RTL6: variants seen among roughly 807,000 people sequenced by gnomAD.
RTL6 encodes the protein retrotransposon Gag like 6.
Under a neutral mutation model 12.4 loss-of-function variants are expected in RTL6, and 9 were observed. That is an observed-to-expected ratio of 0.73 (90% confidence interval 0.44 to 1.27). The LOEUF (loss-of-function observed/expected upper bound fraction) is 1.27, where lower values mean the gene tolerates loss of function less well. Ranked by LOEUF, RTL6 falls within the 50% of genes most tolerant of loss-of-function variation. The pLI is 0.00. For synonymous variants in RTL6, 160 were observed against 142.8 expected (o/e 1.12, Z -0.86); for missense variants, 291 against 330.7 (o/e 0.88, Z 0.93).
Position 44,497,550 on chromosome 22 carries a change from G to A in RTL6, c.7C>T (p.Gln3Ter). Residue 3 changes from glutamine (Q) to a stop codon, truncating the protein, a stop_gained, in exon 2 of 2, where the codon CAG becomes TAG. Coordinates refer to ENST00000341255, the MANE Select transcript of RTL6 (RefSeq NM_032287.3). LOFTEE classifies it high-confidence loss of function. MV[Q>*]PQTSKAESPA... is the part of the protein sequence containing the mutation. ...CTTTCAGCTTTGGACGTCTGCGGCT[G>A]CACCATGCTGGCCAGAGGTCAGCCA... 6.2e-7 allele frequency: 1 copy of A among 1,613,282 alleles called. No individual in the cohort carries two copies. Among genetic ancestry groups the A allele is most frequent in the South Asian group, 1.1e-5 (1 of 91,016 alleles).
In RTL6 at chr22:44,495,234, CA is replaced by C. The variant is rs1229654649; in HGVS notation, c.*1602del. 6.6e-6 allele frequency: 1 copy of C among 152,646 alleles called. No homozygotes were observed. Among genetic ancestry groups the C allele is most frequent in the Non-Finnish European group, 1.5e-5 (1 of 68,038 alleles). 9.5% of individuals were successfully genotyped at this position (152,646 alleles called of 1,614,324 possible). A position where few individuals can be genotyped will look rare whatever the true frequency, so the allele number is the denominator to read the frequency against. ...TTGACCTTGCAAGGCAGCGGTTCTTCAGAATCGCAGTCACTTTTCCCAGCAT... is the reference window on the plus strand; with the variant it reads ...TTGACCTTGCAAGGCAGCGGTTCTTCGAATCGCAGTCACTTTTCCCAGCAT... On this transcript the variant is annotated 3_prime_UTR_variant, in exon 2 of 2. Coordinates refer to ENST00000341255, the MANE Select transcript of RTL6 (RefSeq NM_032287.3).
rs1321495644 is a variant in RTL6, at chr22:44,495,629, C to T, written c.*1208G>A. The T allele has an allele frequency of 6.6e-6, 1 of 151,986 alleles. No homozygotes were observed. The highest frequency in any genetic ancestry group is 1.9e-4 in the East Asian group (1 of 5,178). The allele number at this position is 151,986 out of a possible 1,614,324, so 9.4% of individuals were successfully genotyped here. On this transcript the variant is annotated 3_prime_UTR_variant, in exon 2 of 2. Transcript: ENST00000341255. ...CAGCTCTTTGCTTTTACAAATGCCACCAAGACCCTGGCTGGGTTGCCAGAG... is the reference window on the plus strand; with the variant it reads ...CAGCTCTTTGCTTTTACAAATGCCATCAAGACCCTGGCTGGGTTGCCAGAG...
In RTL6 at chr22:44,496,989, T is replaced by A; in HGVS notation, c.568A>T (p.Arg190Trp). The A allele has an allele frequency of 6.2e-7, 1 of 1,614,020 alleles. No individual in the cohort carries two copies. The highest frequency in any genetic ancestry group is 8.5e-7 in the Non-Finnish European group (1 of 1,179,960). The change falls in exon 2 of 2, where the codon AGG (arginine) becomes TGG (tryptophan). Residue 190 changes from arginine (R) to tryptophan (W), a missense_variant. Around this residue, in one of 3 missense-constraint regions of RTL6, gnomAD observed 132 missense variants for 163.9 expected, o/e 0.81. Transcript: ENST00000341255. ...GCCCTATTAGAGGCAGAAGTCTTCC[T>A]GATTTGGGCGCGCCGCGCATGCCGG... ...PLRHARRAQIRKTSASNRAVR... is the reference protein window; with the variant it reads ...PLRHARRAQIWKTSASNRAVR...
In RTL6 at chr22:44,496,720, A is replaced by G; in HGVS notation, c.*117T>C. 1.6e-6 allele frequency: 2 copies of G among 1,260,930 alleles called. No homozygotes were observed. Among genetic ancestry groups the G allele is most frequent in the Non-Finnish European group, 2.2e-6 (2 of 916,312 alleles). 78.1% of individuals were successfully genotyped at this position (1,260,930 alleles called of 1,614,324 possible). On this transcript the variant is annotated 3_prime_UTR_variant, in exon 2 of 2. Coordinates refer to ENST00000341255, the MANE Select transcript of RTL6 (RefSeq NM_032287.3). ...ATCTCCTCGGGGAACACGTCTGGAG[A>G]GGCAAGAAGGGAGGTCTTCAAACAG...
At position 44,496,725 on chromosome 22, in the gene RTL6, A is replaced by T. The variant is rs1568999874; in HGVS notation, c.*112T>A. On this transcript the variant is annotated 3_prime_UTR_variant, in exon 2 of 2. Transcript: ENST00000341255. Reference sequence around the variant, plus strand: ...CTCGGGGAACACGTCTGGAGAGGCAAGAAGGGAGGTCTTCAAACAGGGGCA... The same window carrying T: ...CTCGGGGAACACGTCTGGAGAGGCATGAAGGGAGGTCTTCAAACAGGGGCA... 17 of 1,318,294 alleles carry T rather than the reference A, an allele frequency of 1.3e-5. No individual in the cohort carries two copies. Among genetic ancestry groups the T allele is most frequent in the Non-Finnish European group, 1.8e-5 (17 of 967,268 alleles). The allele number at this position is 1,318,294 out of a possible 1,614,324, so 81.7% of individuals were successfully genotyped here.
chr22:44,493,578 C>T lies in RTL6; in HGVS notation c.*3259G>A, dbSNP rs1329874576. 6.6e-6 allele frequency: 1 copy of T among 152,288 alleles called. No homozygotes were observed. Among genetic ancestry groups the T allele is most frequent in the Non-Finnish European group, 1.5e-5 (1 of 68,140 alleles). The allele number at this position is 152,288 out of a possible 1,614,324, so 9.4% of individuals were successfully genotyped here. ...CTCTTGCTTCCCTTACCCAGGAGAC[C>T]CACCTTGTGCCTACCTCTCTAAGTC... On this transcript the variant is annotated 3_prime_UTR_variant, in exon 2 of 2. Coordinates refer to ENST00000341255, the MANE Select transcript of RTL6 (RefSeq NM_032287.3).
Position 44,497,278 on chromosome 22 carries a change from G to T in RTL6, c.279C>A (p.Pro93=). 6.2e-7 allele frequency: 1 copy of T among 1,614,232 alleles called. No homozygotes were observed. Among genetic ancestry groups the T allele is most frequent in the Non-Finnish European group, 8.5e-7 (1 of 1,180,038 alleles). The part of the protein sequence containing the change: ...ISSITSNGTR[P]MTTPPTSLPE... Reference sequence around the variant, plus strand: ...GCAGAGAGGTTGGAGGTGTGGTCATGGGTCGAGTCCCGTTTGAAGTAATTG... The same window carrying T: ...GCAGAGAGGTTGGAGGTGTGGTCATTGGTCGAGTCCCGTTTGAAGTAATTG... Residue 93 remains proline (P), a synonymous_variant, in exon 2 of 2, where the codon CCC becomes CCA. Coordinates refer to ENST00000341255, the MANE Select transcript of RTL6 (RefSeq NM_032287.3).
At position 44,497,630 on chromosome 22, in the gene RTL6, T is replaced by G. The variant is rs1924495095; in HGVS notation, c.-74A>C. 1 of 1,539,392 alleles carries G rather than the reference T, an allele frequency of 6.5e-7. No homozygotes were observed. The highest frequency in any genetic ancestry group is 8.8e-7 in the Non-Finnish European group (1 of 1,142,436). On this transcript the variant is annotated 5_prime_UTR_variant, in exon 2 of 2. Coordinates refer to ENST00000341255, the MANE Select transcript of RTL6 (RefSeq NM_032287.3). ...GGTGTGGTGACCAGGTGGGCCCCTG[T>G]AGAAATGGGGGCAGTGTGGGGTGCA...
In RTL6 at chr22:44,496,860, G is replaced by A. The variant is rs1300146364; in HGVS notation, c.697C>T (p.Pro233Ser). Residue 233 changes from proline (P) to serine (S), a missense_variant, in exon 2 of 2, where the codon CCT (proline) becomes TCT (serine). Coordinates refer to ENST00000341255, the MANE Select transcript of RTL6 (RefSeq NM_032287.3). The stretch of plus-strand genomic sequence containing the variant: ...TCTTAAAGATTCCGTGCTCGGGCAG[G>A]CAGGGCTGGCGCTGGACTAGTCCCG... ...SNGTSPAPAL[P>S]ARARNL 7.0e-6 allele frequency: 11 copies of A among 1,564,176 alleles called. No individual in the cohort carries two copies. The highest frequency in any genetic ancestry group is 9.5e-6 in the Non-Finnish European group (11 of 1,154,746).
In RTL6 at chr22:44,497,797, G is replaced by A. The variant is rs996436537; in HGVS notation, c.-241C>T. ...GACTACGGAGCCAGACGGGTGGCTG[G>A]ACCTGCTCTGGGCCCTGGAGGATTA... On this transcript the variant is annotated 5_prime_UTR_variant, in exon 2 of 2. Coordinates refer to ENST00000341255, the MANE Select transcript of RTL6 (RefSeq NM_032287.3). 3 of 585,936 alleles carry A rather than the reference G, an allele frequency of 5.1e-6. No homozygotes were observed. In the African/African-American group the frequency reaches 5.7e-5, roughly 11 times the overall value. The allele number at this position is 585,936 out of a possible 1,614,324, so 36.3% of individuals were successfully genotyped here. A position where few individuals can be genotyped will look rare whatever the true frequency, so the allele number is the denominator to read the frequency against.
At position 44,496,528 on chromosome 22, in the gene RTL6, G is replaced by A. The variant is rs1924451568; in HGVS notation, c.*309C>T. The A allele has an allele frequency of 5.6e-6, 2 of 358,810 alleles. No individual in the cohort carries two copies. The highest frequency in any genetic ancestry group is 5.1e-6 in the Non-Finnish European group (1 of 197,990). The allele number at this position is 358,810 out of a possible 1,614,324, so 22.2% of individuals were successfully genotyped here. ...GGGTCAGCCCTCGTGGTCCGTCAGC[G>A]TGCGGCGGAGTCCCTGTGCCTAAGT... is the stretch of plus-strand genomic sequence containing the variant. On this transcript the variant is annotated 3_prime_UTR_variant, in exon 2 of 2. Coordinates refer to ENST00000341255, the MANE Select transcript of RTL6 (RefSeq NM_032287.3).
chr22:44,496,603 C>T lies in RTL6; in HGVS notation c.*234G>A, dbSNP rs757908765. 89 of 551,430 alleles carry T rather than the reference C, an allele frequency of 1.6e-4. No individual in the cohort carries two copies. Among genetic ancestry groups the T allele is most frequent in the Non-Finnish European group, 2.6e-4 (82 of 316,310 alleles). 34.2% of individuals were successfully genotyped at this position (551,430 alleles called of 1,614,324 possible). ...GGCCGGGATGCCAGCAAGAGGGAGG[C>T]GAGCATGCAGTGAGCGATAGGTACA... On this transcript the variant is annotated 3_prime_UTR_variant, in exon 2 of 2. Transcript: ENST00000341255.
At position 44,496,865 on chromosome 22, in the gene RTL6, G is replaced by C. The variant is rs772336836; in HGVS notation, c.692C>G (p.Ala231Gly). 3.2e-6 allele frequency: 5 copies of C among 1,570,904 alleles called. No individual in the cohort carries two copies. The highest frequency in any genetic ancestry group is 4.3e-6 in the Non-Finnish European group (5 of 1,157,484). ...PASNGTSPAP[A>G]LPARARNL is the part of the protein sequence containing the mutation. ...AAGATTCCGTGCTCGGGCAGGCAGG[G>C]CTGGCGCTGGACTAGTCCCGTTGGA... Residue 231 changes from alanine (A) to glycine (G), a missense_variant, in exon 2 of 2, where the codon GCC becomes GGC. Ala to Gly is a moderately conservative substitution (Grantham distance 60). Around this residue, in one of 3 missense-constraint regions of RTL6, gnomAD observed 132 missense variants for 163.9 expected, o/e 0.81. Coordinates refer to ENST00000341255, the MANE Select transcript of RTL6 (RefSeq NM_032287.3).
rs1601870784 is a variant in RTL6, at chr22:44,497,429, G to A, written c.128C>T (p.Ala43Val). The A allele has an allele frequency of 1.2e-6, 2 of 1,614,040 alleles. No individual in the cohort carries two copies. The highest frequency in any genetic ancestry group is 1.1e-5 in the South Asian group (1 of 91,088). Residue 43 changes from alanine (A) to valine (V), a missense_variant, in exon 2 of 2, where the codon GCT (alanine) becomes GTT (valine). Around this residue, in one of 3 missense-constraint regions of RTL6, gnomAD observed 155 missense variants for 149.2 expected, o/e 1.04. Coordinates refer to ENST00000341255, the MANE Select transcript of RTL6 (RefSeq NM_032287.3). Reference sequence around the variant, plus strand: ...GGCCTTCTCCGCCCGCAGGGTGGAAGCCTCCCGCCTCAGCGCCGAGTTGGT... The same window carrying A: ...GGCCTTCTCCGCCCGCAGGGTGGAAACCTCCCGCCTCAGCGCCGAGTTGGT... Reference protein sequence around the residue: ...RLTNSALRREASTLRAEKANL... With the variant: ...RLTNSALRREVSTLRAEKANL...
Position 44,496,902 on chromosome 22 carries a change from C to G in RTL6, c.655G>C (p.Val219Leu). The change falls in exon 2 of 2, where the codon GTG (valine) becomes CTG (leucine). Residue 219 changes from valine to leucine, a missense_variant. Around this residue, in one of 3 missense-constraint regions of RTL6, gnomAD observed 132 missense variants for 163.9 expected, o/e 0.81. Coordinates refer to ENST00000341255, the MANE Select transcript of RTL6 (RefSeq NM_032287.3). The stretch of plus-strand genomic sequence containing the variant: ...CTAGTCCCGTTGGAAGCTGGATGCA[C>G]TGGGCAAGGCCCCGTGCCCGCAGAG... ...LASAGTGPCP[V>L]HPASNGTSPA... is the part of the protein sequence containing the mutation. 1 of 1,606,182 alleles carries G rather than the reference C, an allele frequency of 6.2e-7. No individual in the cohort carries two copies. Among genetic ancestry groups the G allele is most frequent in the South Asian group, 1.1e-5 (1 of 90,496 alleles).
In RTL6 at chr22:44,494,019, TA is replaced by T. The variant is rs3833394; in HGVS notation, c.*2817del. The T allele has an allele frequency of 0.5, 76,004 of 151,922 alleles. 19,164 individuals are homozygous for T. The highest frequency in any genetic ancestry group is 0.52 in the Non-Finnish European group (35,456 of 67,934). 9.4% of individuals were successfully genotyped at this position (151,922 alleles called of 1,614,324 possible). On this transcript the variant is annotated 3_prime_UTR_variant, in exon 2 of 2. Transcript: ENST00000341255. ...ACCAAAATGCTTTAGGACATTAAGT[TA>T]GTCCCAGGGTCACACTATACTAGGC...
Position 44,497,583 on chromosome 22 carries a change from A to C in RTL6, c.-27T>G. On this transcript the variant is annotated 5_prime_UTR_variant, in exon 2 of 2. Coordinates refer to ENST00000341255, the MANE Select transcript of RTL6 (RefSeq NM_032287.3). ...CTGGCCAGAGGTCAGCCACACGCTG[A>C]GATCCGCGGGTGGACCAAGAGGGTG... 6.2e-7 allele frequency: 1 copy of C among 1,608,108 alleles called. No homozygotes were observed. Among genetic ancestry groups the C allele is most frequent in the Non-Finnish European group, 8.5e-7 (1 of 1,177,292 alleles).
rs1160911364 is a variant in RTL6 at position 44,496,927 on chromosome 22, G to A, written c.630C>T (p.Ala210=). Reference sequence around the variant, plus strand: ...CTGGGCAAGGCCCCGTGCCCGCAGAGGCCAGCTGGCGGCAGAGCATCTGCC... The same window carrying A: ...CTGGGCAAGGCCCCGTGCCCGCAGAAGCCAGCTGGCGGCAGAGCATCTGCC... ...RERQMLCRQL[A]SAGTGPCPVH... The change falls in exon 2 of 2, where the codon GCC becomes GCT. Residue 210 remains alanine, a synonymous_variant. Coordinates refer to ENST00000341255, the MANE Select transcript of RTL6 (RefSeq NM_032287.3). The A allele has an allele frequency of 4.3e-6, 7 of 1,613,240 alleles. No individual in the cohort carries two copies. The highest frequency in any genetic ancestry group is 3.3e-4 in the Middle Eastern group (2 of 6,062).
chr22:44,497,584 G>A lies in RTL6; in HGVS notation c.-28C>T. ...TGGCCAGAGGTCAGCCACACGCTGA[G>A]ATCCGCGGGTGGACCAAGAGGGTGT... is the stretch of plus-strand genomic sequence containing the variant. On this transcript the variant is annotated 5_prime_UTR_variant, in exon 2 of 2. Transcript: ENST00000341255. 1 of 1,607,874 alleles carries A rather than the reference G, an allele frequency of 6.2e-7. No individual in the cohort carries two copies. The highest frequency in any genetic ancestry group is 8.5e-7 in the Non-Finnish European group (1 of 1,177,196).
Sources: gnomAD v4.1 joint callset for allele counts on GRCh38, gnomAD v4.1.1 for gene constraint, gnomAD v4.1.1 regional missense constraint, MANE v1.5 for transcripts, NCBI Gene and HGNC (gene_info 2026-07-23, HGNC 2026-07-21) for gene names.